Variants in ZNF226 observed in about 807,000 individuals in gnomAD.
ZNF226 encodes Kruppel-associated box protein.
In ZNF226, 6 loss-of-function variants were observed where a neutral mutation model predicts 11.4. That is an observed-to-expected ratio of 0.53 (90% confidence interval 0.29 to 1.04). ZNF226 has a LOEUF of 1.04. Among genes scored for constraint, ZNF226 ranks in the 50% least tolerant of loss-of-function variants. The pLI is 0.08. For missense variants in ZNF226, 1,058 were observed against 956.5 expected, an observed-to-expected ratio of 1.11 and a Z score of -1.40; for synonymous variants, 350 against 322.8, an observed-to-expected ratio of 1.08 and a Z score of -0.90.
chr19:44,172,967 G>T lies in ZNF226; in HGVS notation c.235+15G>T. ...GGGAAATTTAGGTAAAAACCAAACA[G>T]TTATGAGTTCTTATAGTTAACTGTC... On this transcript the variant is annotated intron_variant, in intron 5 of 5. Transcript: ENST00000337433. 1.3e-6 allele frequency: 2 copies of T among 1,575,762 alleles called. No individual in the cohort carries two copies. The highest frequency in any genetic ancestry group is 2.7e-5 in the African/African-American group (2 of 74,270).
rs1465604685 is a variant in ZNF226 at position 44,176,816 on chromosome 19, T to C, written c.1554T>C (p.Tyr518=). The C allele has an allele frequency of 8.1e-6, 13 of 1,613,906 alleles. No homozygotes were observed. The highest frequency in any genetic ancestry group is 1.1e-5 in the Non-Finnish European group (13 of 1,179,990). The change falls in exon 6 of 6, where the codon TAT becomes TAC. Residue 518 remains tyrosine, a synonymous_variant. Coordinates refer to ENST00000337433, the MANE Select transcript of ZNF226 (RefSeq NM_001032373.2). Reference sequence around the variant, plus strand: ...AGAGCTTCAGGAGGAATTCCCATTATCAAGTTCATCTAGTGGTCCACACAG... The same window carrying C: ...AGAGCTTCAGGAGGAATTCCCATTACCAAGTTCATCTAGTGGTCCACACAG... ...CGKSFRRNSH[Y]QVHLVVHTGE...
At chr19:44,168,965 T>TATA in intron 2 of ZNF226, among the ~76,000 whole-genome samples, 1 of 151,438 alleles carries the variant, frequency 6.6e-6, no homozygotes, top group South Asian at 2.1e-4. Context: ...TTCTTTTGTT[T>TATA]ATAACAATAT....
chr19:44,174,264 C>T (rs1970454538), intron 5 of ZNF226: 1 of 152,102 alleles, frequency 6.6e-6, no homozygotes, highest in Non-Finnish European at 1.5e-5. Flanking sequence ...TTGTTTATGA[C>T]TTTCTTTGAG....
chr19:44,171,175 T>A (rs957532674), intron 3 of ZNF226, among the ~76,000 whole-genome samples: 1 of 152,156 alleles, frequency 6.6e-6, no homozygotes, highest in African/African-American at 2.4e-5. Context: ...TCTGAAAAAA[T>A]CAATTTTGAA....
At position 44,172,102 on chromosome 19, in the gene ZNF226, C is replaced by T; in HGVS notation, c.30C>T (p.Phe10=). ...TTTTGTCGTAGGAAGCAGTGACCTT[C>T]AAGGACGTGGCTGTGGCCTTCACGG... is the stretch of plus-strand genomic sequence containing the variant. MNMFKEAVT[F]KDVAVAFTEE... is the part of the protein sequence containing the mutation. Residue 10 remains phenylalanine (F), a synonymous_variant, in exon 4 of 6, where the codon TTC becomes TTT. Transcript: ENST00000337433. 2.2e-5 allele frequency: 35 copies of T among 1,612,294 alleles called. No homozygotes were observed. Among genetic ancestry groups the T allele is most frequent in the Non-Finnish European group, 3.0e-5 (35 of 1,178,818 alleles).
chr19:44,181,552 G>T (rs960516051), downstream of ZNF226, among the ~76,000 whole-genome samples: 1 of 152,134 alleles, frequency 6.6e-6, no homozygotes. Flanking sequence ...GGGATGCAAA[G>T]CCAAAATCAG....
At chr19:44,186,728 T>C in the ZNF226 span, among the ~76,000 whole-genome samples, 69 of 152,028 alleles carry the variant, frequency 4.5e-4, no homozygotes, top group Non-Finnish European at 6.9e-4. Context: ...TGTCAAATAG[T>C]AGTGGTAAGT....
chr19:44,176,588 A>G lies in ZNF226; in HGVS notation c.1326A>G (p.Thr442=), dbSNP rs776292017. 2 of 1,614,038 alleles carry G rather than the reference A, an allele frequency of 1.2e-6. No individual in the cohort carries two copies. Among genetic ancestry groups the G allele is most frequent in the Admixed American group, 1.7e-5 (1 of 60,008 alleles). The change falls in exon 6 of 6, where the codon ACA becomes ACG. Residue 442 remains threonine (T), a synonymous_variant. Coordinates refer to ENST00000337433, the MANE Select transcript of ZNF226 (RefSeq NM_001032373.2). The part of the protein sequence containing the change: ...SNLYIHQRVH[T]GEKPYKCEEC... ...TTTACATTCATCAGAGAGTCCACAC[A>G]GGAGAAAAACCCTATAAATGTGAGG...
chr19:44,180,731 A>G (rs1970894624), downstream of ZNF226, among the ~76,000 whole-genome samples: 2 of 152,234 alleles, frequency 1.3e-5, no homozygotes, highest in Non-Finnish European at 2.9e-5. Flanking sequence ...CCCTTTACAG[A>G]AAAACGTGTA....
the ZNF226 span, among the ~76,000 whole-genome samples, chr19:44,187,262 G>A: frequency 6.6e-6 from 1 of 151,862 alleles, no homozygotes; most frequent in Non-Finnish European, 1.5e-5. This position sits in a 1 kb window ranked among gnomAD's most constrained non-coding sequence, Gnocchi z 4.0. Flanking sequence ...TTCTTTCTTA[G>A]GAGGCTTTTG....
chr19:44,173,134 A>T, intron 5 of ZNF226, 182 bp downstream of exon 5: 1 of 596,292 alleles, frequency 1.7e-6, no homozygotes, highest in Non-Finnish European at 3.0e-6. Context: ...TTAAGTGGCA[A>T]AGTGAGTTTT....
In ZNF226 at chr19:44,176,367, G is replaced by C. The variant is rs1163057634; in HGVS notation, c.1105G>C (p.Gly369Arg). 6.2e-7 allele frequency: 1 copy of C among 1,614,208 alleles called. No homozygotes were observed. Among genetic ancestry groups the C allele is most frequent in the South Asian group, 1.1e-5 (1 of 91,086 alleles). The change falls in exon 6 of 6, where the codon GGG (glycine) becomes CGG (arginine). Residue 369 changes from glycine to arginine, a missense_variant. Physicochemically the swap from Gly to Arg is moderately radical, Grantham distance 125. Transcript: ENST00000337433. ...AEKPYNCEEC[G>R]RAFSQASHLQ... ...GAAACCTTATAATTGTGAGGAGTGT[G>C]GGAGGGCCTTCAGTCAGGCCTCTCA... is the stretch of plus-strand genomic sequence containing the variant.
At position 44,176,446 on chromosome 19, in the gene ZNF226, C is replaced by T. The variant is rs559311027; in HGVS notation, c.1184C>T (p.Ala395Val). 6.2e-7 allele frequency: 1 copy of T among 1,613,448 alleles called. No homozygotes were observed. Among genetic ancestry groups the T allele is most frequent in the South Asian group, 1.1e-5 (1 of 91,030 alleles). ...HTGEKPFKCD[A>V]CGKSFSRNSH... is the part of the protein sequence containing the mutation. ...GGGGAGAAGCCATTCAAATGTGATG[C>T]ATGTGGTAAGAGCTTCAGTCGGAAT... Residue 395 changes from alanine to valine, a missense_variant, in exon 6 of 6, where the codon GCA becomes GTA. By Grantham distance (64) the Ala-to-Val change is moderately conservative (BLOSUM62 0). Transcript: ENST00000337433.
chr19:44,182,193 C>G (rs1970915491), downstream of ZNF226, among the ~76,000 whole-genome samples: 1 of 152,184 alleles, frequency 6.6e-6, no homozygotes, highest in Non-Finnish European at 1.5e-5. Context: ...AAAGCCAGAA[C>G]TTTGTAAGTA....
the ZNF226 span, among the ~76,000 whole-genome samples, chr19:44,183,619 G>T: frequency 6.6e-6 from 1 of 152,176 alleles, no homozygotes. Context: ...AGATGTTGCA[G>T]CCAGATCACC....
In ZNF226 at chr19:44,175,950, G is replaced by GAAAA; in HGVS notation, c.690_693dup (p.Asp232LysfsTer10). 1 of 1,613,694 alleles carries GAAAA rather than the reference G, an allele frequency of 6.2e-7. No individual in the cohort carries two copies. The stretch of plus-strand genomic sequence containing the variant: ...AAAATCTTATAGACCCAATGATTAT[G>GAAAA]AAAAAGACAACATGAAGATTTTGAC... On this transcript the variant is annotated frameshift_variant, in exon 6 of 6. Transcript: ENST00000337433. LOFTEE classifies it low-confidence loss of function (END_TRUNC).
At chr19:44,179,411 C>G, downstream of ZNF226, among the ~76,000 whole-genome samples, 1 of 151,552 alleles carries the variant, frequency 6.6e-6, no homozygotes, top group East Asian at 1.9e-4. Context: ...TATATTAATC[C>G]CTTACAGTTA....
chr19:44,198,582 T>A, the ZNF226 span, among the ~76,000 whole-genome samples: 1 of 152,164 alleles, frequency 6.6e-6, no homozygotes, highest in African/African-American at 2.4e-5. Flanking sequence ...AAAATGTATT[T>A]CACAAATATT....
At chr19:44,171,771 A>G (rs555416005) in intron 3 of ZNF226, among the ~76,000 whole-genome samples, 1 of 152,358 alleles carries the variant, frequency 6.6e-6, no homozygotes, top group East Asian at 1.9e-4. Context: ...GTAGGAAGGC[A>G]GGTGCTATCA....
Sources: allele counts gnomAD v4.1 joint callset (sites outside exome capture counted in the v4.1 genomes callset), GRCh38; gene constraint gnomAD v4.1.1; non-coding constraint Gnocchi (gnomAD v3.1); transcripts MANE v1.5; gene names NCBI Gene and HGNC (gene_info 2026-07-23, HGNC 2026-07-21).